The following RIPOR2 variants were observed in gnomAD, a reference collection of about 807,000 sequenced individuals.
RIPOR2 encodes the protein RHO family interacting cell polarization regulator 2.
In RIPOR2, 39 loss-of-function variants were observed where a neutral mutation model predicts 114.5. The ratio of observed to expected loss-of-function variants is 0.34; its 90% CI spans 0.26 to 0.44. The LOEUF (loss-of-function observed/expected upper bound fraction) is 0.44. RIPOR2 is among the 20% of genes least tolerant of loss of function. The pLI is 1.00. For synonymous variants in RIPOR2, 445 were observed against 484.4 expected (o/e 0.92, Z 1.07); for missense variants, 1,007 against 1,255.1 (o/e 0.80, Z 2.99).
Position 24,832,325 on chromosome 6 carries a change from T to G in RIPOR2, c.2275A>C (p.Ile759Leu). 2.6e-6 allele frequency: 4 copies of G among 1,551,962 alleles called. No homozygotes were observed. The highest frequency in any genetic ancestry group is 3.5e-6 in the Non-Finnish European group (4 of 1,146,982). The change falls in exon 16 of 22, where the codon ATC (isoleucine) becomes CTC (leucine). Residue 759 changes from isoleucine to leucine, a missense_variant. Transcript: ENST00000643898. Reference protein sequence around the residue: ...RSLLEKLSRQIQVMEKLAAVS... With the variant: ...RSLLEKLSRQLQVMEKLAAVS... The stretch of plus-strand genomic sequence containing the variant: ...GCTGCGAGTTTCTCCATCACTTGGA[T>G]CTGCCTAGAAAGCTTCTCTAAGAGA...
At chr6:25,015,888 G>GTTT (rs1258122631) in intron 1 of RIPOR2, 1 of 74,046 alleles carries the variant, frequency 1.4e-5, no homozygotes, top group African/African-American at 5.6e-5. Context: ...AAAAACGCAG[G>GTTT]TTTTTTGGTT....
At chr6:25,022,395 C>T (rs946509670) in intron 1 of RIPOR2, among the ~76,000 whole-genome samples, 1 of 151,918 alleles carries the variant, frequency 6.6e-6, no homozygotes, top group African/African-American at 2.4e-5. Flanking sequence ...TGGTTGCATG[C>T]CTCAGTTCAT....
Position 24,810,407 on chromosome 6 carries a change from G to T in RIPOR2, c.2953-600C>A, listed in dbSNP as rs562540760. Among the ~76,000 whole-genome samples the T allele has an allele frequency of 4.6e-5, 7 of 152,242 alleles. No homozygotes were observed. The East Asian group carries it at 1.3e-3, about 29-fold the overall frequency. The stretch of plus-strand genomic sequence containing the variant: ...ACTGAATCTCACTGATTCCAAAATG[G>T]CTCTAATTAAAAAATTCTTACTATT... On this transcript the variant is annotated intron_variant, in intron 20 of 21. Transcript: ENST00000643898.
intron 12 of RIPOR2, 149 bp from the exon 13 acceptor site, chr6:24,843,703 G>A: frequency 8.4e-6 from 1 of 118,388 alleles, no homozygotes. Context: ...GATGCCGTGT[G>A]TGTGTGTGTG....
chr6:24,934,064 T>C (rs556120533), intron 1 of RIPOR2, among the ~76,000 whole-genome samples: 2 of 152,118 alleles, frequency 1.3e-5, no homozygotes, highest in Non-Finnish European at 2.9e-5. Flanking sequence ...CATAGCCAGA[T>C]GTAAAAGAGC....
chr6:24,964,129 A>G (rs1261392392), intron 1 of RIPOR2, among the ~76,000 whole-genome samples: 2 of 141,394 alleles, frequency 1.4e-5, no homozygotes, highest in African/African-American at 5.5e-5. Flanking sequence ...TATCAAAACA[A>G]GGAAATTGAC....
chr6:24,972,523 G>A (rs933115735), intron 1 of RIPOR2, among the ~76,000 whole-genome samples: 1 of 152,194 alleles, frequency 6.6e-6, no homozygotes, highest in African/African-American at 2.4e-5. Flanking sequence ...AAGAAGAGAG[G>A]TCTCAGAGGA....
At chr6:24,958,532 A>G (rs944067336) in intron 1 of RIPOR2, among the ~76,000 whole-genome samples, 1 of 152,226 alleles carries the variant, frequency 6.6e-6, no homozygotes, top group Non-Finnish European at 1.5e-5. Context: ...ATAAACACTT[A>G]GAAGAAATGA....
At chr6:24,891,648 G>C (rs116384846) in intron 1 of RIPOR2, among the ~76,000 whole-genome samples, 2,113 of 152,222 alleles carry the variant, frequency 0.014, 44 homozygotes, top group African/African-American at 0.045. Context: ...GAATACATTA[G>C]AGGCATATTT....
rs567919063 is a variant in RIPOR2 at position 24,845,582 on chromosome 6, C to T, written c.1165-2028G>A. ...CTTCCCAGCCATTTGTCTTGAGACT[C>T]CAAGACTCAAGCTCAATTTCCACCT... On this transcript the variant is annotated intron_variant, in intron 12 of 21. Transcript: ENST00000643898. Among the ~76,000 whole-genome samples, 22 of 152,228 alleles carry T rather than the reference C, an allele frequency of 1.4e-4. No homozygotes were observed. In the South Asian group the frequency reaches 3.9e-3, roughly 27 times the overall value.
At chr6:24,810,379 TC>T (rs1196453425) in intron 20 of RIPOR2, among the ~76,000 whole-genome samples, 2 of 152,232 alleles carry the variant, frequency 1.3e-5, no homozygotes. Context: ...CCTGGTTCTT[TC>T]CACTGAATCT....
chr6:24,837,364 C>T (rs751703343), intron 14 of RIPOR2, among the ~76,000 whole-genome samples: 20 of 152,134 alleles, frequency 1.3e-4, no homozygotes, highest in Non-Finnish European at 2.8e-4. Context: ...TCAAGTGATT[C>T]ACCCTCCAGC....
chr6:24,953,294 T>C (rs1474593462), intron 1 of RIPOR2, among the ~76,000 whole-genome samples: 1 of 151,700 alleles, frequency 6.6e-6, no homozygotes, highest in Non-Finnish European at 1.5e-5. Flanking sequence ...TATTGTGCCA[T>C]TGAATTGCAG....
intron 1 of RIPOR2, among the ~76,000 whole-genome samples, chr6:24,911,609 G>A (rs552724580): frequency 6.6e-6 from 1 of 152,148 alleles, no homozygotes; most frequent in African/African-American, 2.4e-5. Flanking sequence ...CATAAAGATG[G>A]CAGAAAGAGA....
chr6:24,965,135 T>C (rs7764873), intron 1 of RIPOR2, among the ~76,000 whole-genome samples: 1 of 41,170 alleles, frequency 2.4e-5, no homozygotes, highest in African/African-American at 3.5e-5. Flanking sequence ...CATTTTTTTA[T>C]TTTTTATTTT....
intron 19 of RIPOR2, among the ~76,000 whole-genome samples, chr6:24,821,763 T>A (rs889667540): frequency 6.6e-5 from 10 of 152,196 alleles, no homozygotes; most frequent in African/African-American, 2.4e-4. Context: ...ACAAGGTGAC[T>A]GTCCCTGAAG....
At chr6:24,973,861 A>G (rs1019901280) in intron 1 of RIPOR2, among the ~76,000 whole-genome samples, 1 of 152,154 alleles carries the variant, frequency 6.6e-6, no homozygotes. Flanking sequence ...ACCAAATACC[A>G]CATATTCTTA....
rs189668878 is a variant in RIPOR2 at position 24,990,476 on chromosome 6, C to G, written c.76+51375G>C. Among the ~76,000 whole-genome samples the G allele has an allele frequency of 1.0e-3, 155 of 152,322 alleles. 1 individual carries two copies. In the Middle Eastern group the frequency reaches 0.014, roughly 13 times the overall value. Reference sequence around the variant, plus strand: ...ATATGGCCTCATGGTCTCAAGAAGCCACAATCGTGAGTCGTACCCTGGGGC... The same window carrying G: ...ATATGGCCTCATGGTCTCAAGAAGCGACAATCGTGAGTCGTACCCTGGGGC... On this transcript the variant is annotated intron_variant, in intron 1 of 13. Transcript: ENST00000510784.
At chr6:24,877,006 G>C (rs370982335) in intron 1 of RIPOR2, 2 of 985,236 alleles carry the variant, frequency 2.0e-6, no homozygotes, top group Non-Finnish European at 1.2e-6. Context: ...GCAGGAAAAA[G>C]GGTAAATAGT....
Sources: gnomAD v4.1 joint callset for allele counts (sites outside exome capture counted in the v4.1 genomes callset) on GRCh38, gnomAD v4.1.1 for gene constraint, MANE v1.5 for transcripts, NCBI Gene and HGNC (gene_info 2026-07-23, HGNC 2026-07-21) for gene names.